The following NRXN3 variants were observed in gnomAD, a reference collection of about 807,000 sequenced individuals.
The protein encoded by NRXN3 is neurexin 3, also known as neurexin III.
A neutral mutation model predicts 137.6 loss-of-function variants in NRXN3; 32 were observed. The ratio of observed to expected loss-of-function variants is 0.23; its 90% CI spans 0.18 to 0.31. The LOEUF (loss-of-function observed/expected upper bound fraction) is 0.31, where lower values mean the gene tolerates loss of function less well. Ranked by LOEUF, NRXN3 falls within the 10% of genes least tolerant of loss-of-function variation. The pLI is 1.00. For missense variants in NRXN3, 1,574 were observed against 2,062.5 expected (o/e 0.76, Z 4.59); for synonymous variants, 798 against 784.5 (o/e 1.02, Z -0.29).
intron 4 of NRXN3, among the ~76,000 whole-genome samples, chr14:78,452,730 C>T (rs749275174): frequency 2.0e-5 from 3 of 152,162 alleles, no homozygotes; most frequent in Admixed American, 6.5e-5. Flanking sequence ...GTGCCCACCC[C>T]AGCTTGGCAG....
rs191702378 is a variant in NRXN3, at chr14:79,679,736, C to T, written c.3617-12437C>T. 1.1e-3 allele frequency among the ~76,000 whole-genome samples: 171 copies of T among 152,214 alleles called. 1 individual carries two copies. Among genetic ancestry groups the T allele is most frequent in the Admixed American group, 4.5e-3 (69 of 15,276 alleles). On this transcript the variant is annotated intron_variant, in intron 17 of 20. Coordinates refer to ENST00000335750, the MANE Select transcript of NRXN3 (RefSeq NM_001330195.2). Reference sequence around the variant, plus strand: ...AGGACTAATATTCAATACAGAGTAGCGGAATCTGGGTGCCAGATAAATATT... The same window carrying T: ...AGGACTAATATTCAATACAGAGTAGTGGAATCTGGGTGCCAGATAAATATT...
At chr14:79,716,799 T>C (rs2098825142) in intron 19 of NRXN3, among the ~76,000 whole-genome samples, 1 of 152,214 alleles carries the variant, frequency 6.6e-6, no homozygotes. Flanking sequence ...TACAAAACTT[T>C]CATGCCTACG....
At chr14:79,346,922 G>A (rs531523129) in intron 15 of NRXN3, among the ~76,000 whole-genome samples, 7 of 152,220 alleles carry the variant, frequency 4.6e-5, no homozygotes, top group African/African-American at 1.4e-4. Flanking sequence ...ATAGCACCTC[G>A]TAGGCTCTCA....
chr14:78,963,500 G>A, intron 11 of NRXN3, among the ~76,000 whole-genome samples: 1 of 152,122 alleles, frequency 6.6e-6, no homozygotes, highest in Non-Finnish European at 1.5e-5. Context: ...AGTAGCTATA[G>A]CCAATTTGAC....
intron 8 of NRXN3, among the ~76,000 whole-genome samples, chr14:78,785,906 T>A (rs375035970): frequency 1.3e-5 from 2 of 152,182 alleles, no homozygotes; most frequent in South Asian, 2.1e-4. Flanking sequence ...TCCTTCTAGA[T>A]AAAGTTCCTG....
chr14:78,672,448 A>T (rs907135338), intron 6 of NRXN3, among the ~76,000 whole-genome samples: 10 of 152,330 alleles, frequency 6.6e-5, no homozygotes, highest in African/African-American at 2.4e-4. Context: ...ACTTCTGGTC[A>T]TTAGATTAGC....
chr14:79,156,046 G>A (rs1024299386), intron 15 of NRXN3, among the ~76,000 whole-genome samples: 1 of 151,394 alleles, frequency 6.6e-6, no homozygotes, highest in African/African-American at 2.4e-5. Context: ...AAGTAATAAG[G>A]GACTTAACTT....
intron 15 of NRXN3, among the ~76,000 whole-genome samples, chr14:79,020,296 G>T (rs1268912641): frequency 7.2e-6 from 1 of 138,882 alleles, no homozygotes; most frequent in Non-Finnish European, 1.5e-5. Context: ...ATGGATTTCC[G>T]CTCTTGTTGC....
intron 15 of NRXN3, among the ~76,000 whole-genome samples, chr14:79,386,084 G>T (rs971146482): frequency 6.6e-6 from 1 of 152,122 alleles, no homozygotes; most frequent in Non-Finnish European, 1.5e-5. Flanking sequence ...ATTCAACATG[G>T]TGTTGGAAAT....
At chr14:79,507,209 G>A (rs1457320060) in intron 16 of NRXN3, among the ~76,000 whole-genome samples, 1 of 152,158 alleles carries the variant, frequency 6.6e-6, no homozygotes, top group East Asian at 1.9e-4. Context: ...TGAGCTATAG[G>A]AAGAGAAGAA....
intron 16 of NRXN3, among the ~76,000 whole-genome samples, chr14:79,492,339 T>C (rs147513624): frequency 5.8e-4 from 89 of 152,298 alleles, no homozygotes; most frequent in African/African-American, 2.0e-3. Context: ...CAAAGTTACT[T>C]TGCAAGGTAT....
intron 6 of NRXN3, among the ~76,000 whole-genome samples, chr14:78,707,704 T>A (rs1010045261): frequency 1.3e-5 from 2 of 152,128 alleles, no homozygotes; most frequent in African/African-American, 4.8e-5. Context: ...TTCCTCACCC[T>A]CATCACACCC....
chr14:78,694,105 C>T (rs542288091), intron 6 of NRXN3, among the ~76,000 whole-genome samples: 2 of 151,952 alleles, frequency 1.3e-5, no homozygotes, highest in Non-Finnish European at 2.9e-5. Context: ...TCCCTCTGCC[C>T]ACAGCTTGAA....
chr14:78,286,772 T>C (rs2075231735), intron 3 of NRXN3, among the ~76,000 whole-genome samples: 1 of 152,206 alleles, frequency 6.6e-6, no homozygotes, highest in African/African-American at 2.4e-5. Context: ...ACTACATGCT[T>C]TTGAGCCCTT....
intron 8 of NRXN3, among the ~76,000 whole-genome samples, chr14:78,743,638 C>G (rs1297071396): frequency 6.6e-6 from 1 of 152,170 alleles, no homozygotes; most frequent in Non-Finnish European, 1.5e-5. Flanking sequence ...ATCTGGGAGC[C>G]ATCCTTAGCT....
chr14:79,366,069 A>G (rs1001206160), intron 15 of NRXN3, among the ~76,000 whole-genome samples: 2 of 152,192 alleles, frequency 1.3e-5, no homozygotes, highest in African/African-American at 4.8e-5. Context: ...ACATAAACAG[A>G]ATGCTATGAT....
At chr14:79,368,181 A>G (rs1217590739) in intron 15 of NRXN3, among the ~76,000 whole-genome samples, 2 of 152,198 alleles carry the variant, frequency 1.3e-5, no homozygotes, top group Non-Finnish European at 2.9e-5. Context: ...AAAATTCCCC[A>G]GTTTAGGAAT....
chr14:79,039,264 T>A (rs1311334147), intron 15 of NRXN3, among the ~76,000 whole-genome samples: 2 of 152,160 alleles, frequency 1.3e-5, no homozygotes, highest in Admixed American at 1.3e-4. Context: ...ATGTACTCAC[T>A]GAGAAAAATC....
intron 8 of NRXN3, among the ~76,000 whole-genome samples, chr14:78,763,030 C>T (rs556588972): frequency 2.6e-5 from 4 of 152,202 alleles, no homozygotes; most frequent in East Asian, 1.9e-4. Flanking sequence ...TTGGCAATGG[C>T]GGGAGTGCTG....
Sources: gnomAD v4.1 joint callset for allele counts (sites outside exome capture counted in the v4.1 genomes callset) on GRCh38, gnomAD v4.1.1 for gene constraint, MANE v1.5 for transcripts, NCBI Gene and HGNC (gene_info 2026-07-23, HGNC 2026-07-21) for gene names.